The following SMARCA1 variants were observed in gnomAD, a reference collection of about 807,000 sequenced individuals.
SMARCA1 encodes the protein SWI/SNF-related matrix-associated actin-dependent regulator of chromatin subfamily A member 1.
A neutral mutation model predicts 93.6 loss-of-function variants in SMARCA1; 17 were observed. The observed-to-expected ratio is 0.18, with a 90% CI of 0.12 to 0.27. The LOEUF (loss-of-function observed/expected upper bound fraction) is 0.27. SMARCA1 is among the 10% of genes least tolerant of loss of function. SMARCA1 has a pLI of 1.00. For synonymous variants in SMARCA1, 271 were observed against 271.4 expected (o/e 1.00, Z 0.01); for missense variants, 630 against 819.0 (o/e 0.77, Z 2.82).
chrX:129,508,102 G>A lies in SMARCA1; in HGVS notation c.811-6C>T. ...TCATCACGAATAAAAGCAGCCTAAT[G>A]CAAAATAAAATACTTCATATTAGAA... On this transcript the variant is annotated splice_polypyrimidine_tract_variant and splice_region_variant and intron_variant, in intron 6 of 24. Coordinates refer to ENST00000371121, the MANE Select transcript of SMARCA1 (RefSeq NM_001282874.2). The A allele has an allele frequency of 9.1e-7, 1 of 1,096,710 alleles. No individual in the cohort carries two copies. Among genetic ancestry groups the A allele is most frequent in the Non-Finnish European group, 1.2e-6 (1 of 814,509 alleles). The allele number at this position is 1,096,710 out of a possible 1,213,427, so 90.4% of individuals were successfully genotyped here. A position where few individuals can be genotyped will look rare whatever the true frequency, so the allele number is the denominator to read the frequency against.
chrX:129,508,042 A>T lies in SMARCA1; in HGVS notation c.865T>A (p.Ser289Thr), dbSNP rs377177369. 16 of 1,185,955 alleles carry T rather than the reference A, an allele frequency of 1.3e-5. No individual in the cohort carries two copies. In the African/African-American group the frequency reaches 2.5e-4, roughly 18 times the overall value. ...TTTTCTTTAATTACCATCTCATAAG[A>T]AGTAACGCAAACATCCCACTCTCCT... ...MPGEWDVCVT[S>T]YEMVIKEKSV... is the part of the protein sequence containing the mutation. Residue 289 changes from serine to threonine, a missense_variant, in exon 7 of 25, where the codon TCT (serine) becomes ACT (threonine). Ser to Thr is a moderately conservative substitution (Grantham distance 58, BLOSUM62 1). Transcript: ENST00000371121.
At chrX:129,482,292 T>TG (rs1316352655) in intron 17 of SMARCA1, among the ~76,000 whole-genome samples, 1 of 106,176 alleles carries the variant, frequency 9.4e-6, no homozygotes, top group Non-Finnish European at 1.9e-5. Flanking sequence ...GTAACTAACC[T>TG]GCACAATGTG....
intron 23 of SMARCA1, among the ~76,000 whole-genome samples, chrX:129,451,610 C>T (rs747595959): frequency 3.6e-5 from 4 of 111,160 alleles, no homozygotes; most frequent in East Asian, 2.8e-4. Context: ...TAATCTAAGA[C>T]GCTACAGAAA....
At chrX:129,491,522 T>C (rs1236547168) in intron 14 of SMARCA1, among the ~76,000 whole-genome samples, 5 of 112,026 alleles carry the variant, frequency 4.5e-5, no homozygotes, top group South Asian at 3.7e-4. Context: ...TCCCAAATTG[T>C]TTTTTATGAA....
At chrX:129,467,124 A>G (rs1932934045) in intron 21 of SMARCA1, among the ~76,000 whole-genome samples, 1 of 112,113 alleles carries the variant, frequency 8.9e-6, no homozygotes, top group South Asian at 3.7e-4. Context: ...CTTGCTATGT[A>G]CAGGATACTG....
chrX:129,514,094 AAGGCGGGAGGATCACG>A (rs1935106396), intron 5 of SMARCA1, among the ~76,000 whole-genome samples: 1 of 112,782 alleles, frequency 8.9e-6, no homozygotes, highest in South Asian at 3.6e-4. Flanking sequence ...TTGGGAGGCC[AAGGCGGGAGGATCACG>A]AGGTCAGGAG....
rs1191211636 is a variant in SMARCA1, at chrX:129,516,386, A to G, written c.373T>C (p.Leu125=). The change falls in exon 3 of 25, where the codon TTG becomes CTG. Residue 125 remains leucine, a synonymous_variant. Coordinates refer to ENST00000371121, the MANE Select transcript of SMARCA1 (RefSeq NM_001282874.2). ...KSPTSPLNMK[L]GRPRIKKDEK... is the part of the protein sequence containing the mutation. ...TCTTTCTTTATTCGGGGACGTCCCAATTTCATGTTCAGTGGAGATGTTGGA... is the reference window on the plus strand; with the variant it reads ...TCTTTCTTTATTCGGGGACGTCCCAGTTTCATGTTCAGTGGAGATGTTGGA... The G allele has an allele frequency of 7.4e-6, 9 of 1,208,125 alleles. No homozygotes were observed. The highest frequency in any genetic ancestry group is 1.0e-5 in the Non-Finnish European group (9 of 893,822).
At chrX:129,449,619 C>T (rs780026153) in intron 23 of SMARCA1, among the ~76,000 whole-genome samples, 5 of 111,602 alleles carry the variant, frequency 4.5e-5, no homozygotes, top group African/African-American at 1.6e-4. Flanking sequence ...ATATTATTAA[C>T]CCTGTATACT....
intron 5 of SMARCA1, among the ~76,000 whole-genome samples, chrX:129,514,648 A>T (rs1935127847): frequency 8.9e-6 from 1 of 112,269 alleles, no homozygotes; most frequent in Non-Finnish European, 1.9e-5. Flanking sequence ...AAAACATGGA[A>T]CATAAATTAA....
chrX:129,499,388 G>C (rs2124298935), intron 10 of SMARCA1, among the ~76,000 whole-genome samples: 1 of 110,925 alleles, frequency 9.0e-6, no homozygotes, highest in Non-Finnish European at 1.9e-5. Context: ...GCATGCCACT[G>C]ACATTACCCC....
At position 129,475,444 on chromosome X, in the gene SMARCA1, A is replaced by G. The variant is rs1433990588; in HGVS notation, c.2443-4118T>C. Among the ~76,000 whole-genome samples the G allele has an allele frequency of 2.7e-5, 3 of 111,020 alleles. No homozygotes were observed. The Admixed American group carries it at 2.9e-4, about 11-fold the overall frequency. Reference sequence around the variant, plus strand: ...TAAGGAAGGAGAATTGCTTGAACCCAGGAGATGGAGGTTGCAGTGAGCTGA... The same window carrying G: ...TAAGGAAGGAGAATTGCTTGAACCCGGGAGATGGAGGTTGCAGTGAGCTGA... On this transcript the variant is annotated intron_variant, in intron 19 of 24. Coordinates refer to ENST00000371121, the MANE Select transcript of SMARCA1 (RefSeq NM_001282874.2).
chrX:129,465,230 A>C (rs1256343142), intron 23 of SMARCA1, among the ~76,000 whole-genome samples: 1 of 111,578 alleles, frequency 9.0e-6, no homozygotes. Context: ...GAACACTCAC[A>C]TTGTCTGTAA....
intron 12 of SMARCA1, among the ~76,000 whole-genome samples, chrX:129,495,942 T>G: frequency 9.5e-6 from 1 of 105,165 alleles, no homozygotes; most frequent in South Asian, 4.6e-4. Flanking sequence ...CCAGCTAATT[T>G]TTTTTTTTGC....
At chrX:129,457,217 T>C (rs1266379902) in intron 23 of SMARCA1, among the ~76,000 whole-genome samples, 1 of 112,628 alleles carries the variant, frequency 8.9e-6, no homozygotes, top group Non-Finnish European at 1.9e-5. Flanking sequence ...CAATAAAGTA[T>C]TTTTTAATTA....
chrX:129,455,779 C>T (rs1266597748), intron 23 of SMARCA1, among the ~76,000 whole-genome samples: 1 of 111,775 alleles, frequency 8.9e-6, no homozygotes, highest in African/African-American at 3.3e-5. Flanking sequence ...TCTATGAAGG[C>T]TGAGAGAGGT....
At chrX:129,486,885 T>G in intron 17 of SMARCA1, 133 bp downstream of exon 17, 53 of 515,642 alleles carry the variant, frequency 1.0e-4, no homozygotes, top group East Asian at 1.4e-4. Flanking sequence ...ATACCTTGCA[T>G]GAGATATTTA....
At chrX:129,489,159 CAT>C in intron 15 of SMARCA1, 74 bp from the exon 16 acceptor site, 1 of 654,503 alleles carries the variant, frequency 1.5e-6, no homozygotes, top group Non-Finnish European at 2.4e-6. Flanking sequence ...TCTAATCAGA[CAT>C]TATCACATTT....
rs774004818 is a variant in SMARCA1, at chrX:129,464,777, C to T, written c.3030+743G>A. On this transcript the variant is annotated intron_variant, in intron 23 of 24. Transcript: ENST00000371121. ...CACATTAACAAGTGACCAAACTTAG[C>T]ATCACCAACAGTGTGACAACATGAC... Among the ~76,000 whole-genome samples, 3 of 111,993 alleles carry T rather than the reference C, an allele frequency of 2.7e-5. No individual in the cohort carries two copies. The South Asian group carries it at 1.1e-3, about 42-fold the overall frequency.
intron 2 of SMARCA1, among the ~76,000 whole-genome samples, chrX:129,517,983 A>G (rs772951720): frequency 6.3e-5 from 7 of 111,107 alleles, no homozygotes; most frequent in South Asian, 3.8e-4. Context: ...AAATACGTCA[A>G]TCTGGCTTTG....
Sources: gnomAD v4.1 joint callset for allele counts (sites outside exome capture counted in the v4.1 genomes callset) on GRCh38, gnomAD v4.1.1 for gene constraint, MANE v1.5 for transcripts, NCBI Gene and HGNC (gene_info 2026-07-23, HGNC 2026-07-21) for gene names.